TBC1D22A: variants seen among roughly 807,000 people sequenced by gnomAD.
TBC1D22A encodes TBC1 domain family member 22A.
A neutral mutation model predicts 60.2 loss-of-function variants in TBC1D22A; 38 were observed. The observed-to-expected ratio is 0.63, with a 90% CI of 0.49 to 0.83. The LOEUF is 0.83. TBC1D22A is among the 40% of genes least tolerant of loss of function. TBC1D22A has a pLI of 0.00. For synonymous variants in TBC1D22A, 302 were observed against 281.7 expected (o/e 1.07, Z -0.72); for missense variants, 628 against 701.0 (o/e 0.90, Z 1.18).
intron 4 of TBC1D22A, among the ~76,000 whole-genome samples, chr22:46,852,755 G>A (rs1261779113): frequency 1.3e-5 from 2 of 152,092 alleles, no homozygotes; most frequent in Non-Finnish European, 2.9e-5. Flanking sequence ...TCTGAGCTCC[G>A]TCCATCTCGC....
intron 12 of TBC1D22A, among the ~76,000 whole-genome samples, chr22:47,166,187 G>A (rs770244656): frequency 7.2e-5 from 11 of 152,102 alleles, no homozygotes; most frequent in Admixed American, 3.3e-4. Context: ...GGAGCCTTCC[G>A]GTATCTTCAG....
chr22:47,005,109 A>G (rs1602950373), intron 10 of TBC1D22A, among the ~76,000 whole-genome samples: 2 of 151,742 alleles, frequency 1.3e-5, no homozygotes, highest in Admixed American at 1.3e-4. Context: ...ACACCTTTGT[A>G]TTCACACACT....
intron 11 of TBC1D22A, among the ~76,000 whole-genome samples, chr22:47,044,935 G>A (rs1603146058): frequency 6.6e-6 from 1 of 152,326 alleles, no homozygotes; most frequent in Middle Eastern, 3.4e-3. Context: ...CTGCAGGCCT[G>A]GCGTGCTCCA....
intron 4 of TBC1D22A, among the ~76,000 whole-genome samples, chr22:46,853,348 G>T (rs778484354): frequency 2.6e-5 from 4 of 152,206 alleles, no homozygotes; most frequent in Non-Finnish European, 5.9e-5. Context: ...GCATGAAGCC[G>T]CCTCCTTCAG....
At chr22:46,935,280 G>C (rs1019837159) in intron 8 of TBC1D22A, among the ~76,000 whole-genome samples, 11 of 152,218 alleles carry the variant, frequency 7.2e-5, no homozygotes, top group Non-Finnish European at 5.9e-5. Context: ...CTGTATTTCA[G>C]CAAATTAGAA....
chr22:47,055,231 C>T (rs1291621625), intron 11 of TBC1D22A, among the ~76,000 whole-genome samples: 1 of 152,240 alleles, frequency 6.6e-6, no homozygotes, highest in Non-Finnish European at 1.5e-5. Context: ...TCTTTTGTTG[C>T]CATTCTCTTT....
At chr22:46,829,818 C>T (rs904705359) in intron 4 of TBC1D22A, among the ~76,000 whole-genome samples, 4 of 152,070 alleles carry the variant, frequency 2.6e-5, no homozygotes. Context: ...GTTTGGGGGC[C>T]GGAGGTTTGG....
intron 11 of TBC1D22A, among the ~76,000 whole-genome samples, chr22:47,042,409 A>AGG (rs2062876134): frequency 7.5e-6 from 1 of 133,228 alleles, no homozygotes; most frequent in East Asian, 2.5e-4. Flanking sequence ...TATGAGAGAG[A>AGG]GAGAGAGAGA....
intron 5 of TBC1D22A, among the ~76,000 whole-genome samples, chr22:46,883,380 T>G (rs1372693703): frequency 2.6e-5 from 4 of 152,270 alleles, no homozygotes; most frequent in African/African-American, 9.6e-5. Flanking sequence ...TTCTGTCATT[T>G]AAAATTCATT....
rs747575625 is a variant in TBC1D22A, at chr22:46,997,685, G to T, written c.1177G>T (p.Glu393Ter). 1 of 1,613,908 alleles carries T rather than the reference G, an allele frequency of 6.2e-7. No homozygotes were observed. The part of the protein sequence containing the change: ...PGIQMKVKML[E>*]ELVSRIDEQV... Reference sequence around the variant, plus strand: ...GATTCAAATGAAAGTGAAAATGTTAGAAGAACTCGTGAGCCGGATTGATGG... The same window carrying T: ...GATTCAAATGAAAGTGAAAATGTTATAAGAACTCGTGAGCCGGATTGATGG... The change falls in exon 10 of 13, where the codon GAA (glutamate) becomes TAA (stop). Residue 393 changes from glutamate (E) to a stop codon, truncating the protein, a stop_gained. Coordinates refer to ENST00000337137, the MANE Select transcript of TBC1D22A (RefSeq NM_014346.5). LOFTEE classifies it high-confidence loss of function.
chr22:46,798,709 TCA>T (rs2084764812), intron 4 of TBC1D22A, among the ~76,000 whole-genome samples: 1 of 152,236 alleles, frequency 6.6e-6, no homozygotes, highest in Admixed American at 6.5e-5. Context: ...CAAACCTGTA[TCA>T]CACAGTTATG....
chr22:47,100,673 T>A (rs2065379702), intron 11 of TBC1D22A, among the ~76,000 whole-genome samples: 1 of 152,236 alleles, frequency 6.6e-6, no homozygotes, highest in Non-Finnish European at 1.5e-5. Flanking sequence ...CGTGACTTGC[T>A]CCTCTTTTCC....
chr22:47,099,718 T>G (rs1046856752), intron 11 of TBC1D22A, among the ~76,000 whole-genome samples: 5 of 151,328 alleles, frequency 3.3e-5, no homozygotes, highest in Non-Finnish European at 7.4e-5. Context: ...GTGCTGAGAT[T>G]ACAGGCGTGA....
rs925229986 is a variant in TBC1D22A, at chr22:46,986,249, C to T, written c.1126-11385C>T. ...GGGACACACTGTTTTGTCCCATTGA[C>T]GTACAAATGGATCTTAATCCAGTTC... On this transcript the variant is annotated intron_variant, in intron 9 of 12. Coordinates refer to ENST00000337137, the MANE Select transcript of TBC1D22A (RefSeq NM_014346.5). 5.3e-5 allele frequency among the ~76,000 whole-genome samples: 8 copies of T among 152,196 alleles called. No homozygotes were observed. The East Asian group carries it at 7.7e-4, about 15-fold the overall frequency.
At chr22:47,131,362 G>T (rs12483808) in intron 12 of TBC1D22A, among the ~76,000 whole-genome samples, 2,370 of 152,338 alleles carry the variant, frequency 0.016, 31 homozygotes, top group Admixed American at 0.038. Context: ...ATGCAGAAAT[G>T]GTGAACCTGC....
intron 8 of TBC1D22A, among the ~76,000 whole-genome samples, chr22:46,967,831 AG>A (rs2073876942): frequency 6.6e-6 from 1 of 151,606 alleles, no homozygotes; most frequent in African/African-American, 2.4e-5. Flanking sequence ...CTATGATTCC[AG>A]TGCACCCCCT....
chr22:47,111,412 C>G, intron 11 of TBC1D22A, 96 bp from the exon 12 acceptor site: 1 of 1,126,844 alleles, frequency 8.9e-7, no homozygotes, highest in Non-Finnish European at 1.3e-6. Context: ...CCTCTGAACC[C>G]TGACTAGATA....
At chr22:46,874,538 ATGTT>A (rs1360877767) in intron 4 of TBC1D22A, among the ~76,000 whole-genome samples, 4 of 63,640 alleles carry the variant, frequency 6.3e-5, no homozygotes, top group Non-Finnish European at 1.0e-4. Flanking sequence ...TTTTTTTCAT[ATGTT>A]TGTTTGGCTA....
chr22:47,122,224 C>T (rs2066296630), intron 12 of TBC1D22A, among the ~76,000 whole-genome samples: 1 of 152,138 alleles, frequency 6.6e-6, no homozygotes, highest in African/African-American at 2.4e-5. Context: ...TGCAGGTCAC[C>T]CCAGCTCCTA....
Sources: gnomAD v4.1 joint callset for allele counts (sites outside exome capture counted in the v4.1 genomes callset) on GRCh38, gnomAD v4.1.1 for gene constraint, MANE v1.5 for transcripts, NCBI Gene and HGNC (gene_info 2026-07-23, HGNC 2026-07-21) for gene names.